Variants in ASAP1 observed in about 807,000 individuals in gnomAD.
The protein encoded by ASAP1 is arf-GAP with SH3 domain, ANK repeat and PH domain-containing protein 1.
ASAP1 carries 43 observed loss-of-function variants against 145.2 expected under a neutral mutation model. That is an observed-to-expected ratio of 0.30 (90% CI 0.23 to 0.38). ASAP1 has a LOEUF of 0.38. Ranked by LOEUF, ASAP1 falls within the 10% of genes least tolerant of loss-of-function variation. The pLI, the probability that ASAP1 is intolerant of heterozygous loss-of-function variation, is 1.00. For synonymous variants in ASAP1, 546 were observed against 515.5 expected (o/e 1.06, Z -0.80); for missense variants, 1,018 against 1,355.3 (o/e 0.75, Z 3.91).
chr8:130,373,105 TACATATACACACACACACACACAC>T, intron 2 of ASAP1, among the ~76,000 whole-genome samples: 1 of 18,470 alleles, frequency 5.4e-5, no homozygotes, highest in African/African-American at 4.0e-4. Context: ...CACACAGAAA[TACATATACACACACACACACACAC>T]ACACACACAC....
chr8:130,232,419 A>AG (rs1295157985), intron 4 of ASAP1, among the ~76,000 whole-genome samples: 1 of 152,226 alleles, frequency 6.6e-6, no homozygotes, highest in Non-Finnish European at 1.5e-5. Flanking sequence ...TGTGTTTCAC[A>AG]GATTAATAAT....
chr8:130,390,540 A>G (rs1311470927), intron 2 of ASAP1, among the ~76,000 whole-genome samples: 1 of 152,258 alleles, frequency 6.6e-6, no homozygotes, highest in East Asian at 1.9e-4. Context: ...CCTGTTAGAT[A>G]TCTATTTCCC....
chr8:130,436,869 G>A (rs771287572), intron 1 of ASAP1, among the ~76,000 whole-genome samples: 27 of 152,082 alleles, frequency 1.8e-4, no homozygotes, highest in Non-Finnish European at 3.2e-4. Context: ...CACTCTGGGA[G>A]GCTGAGGCAG....
intron 12 of ASAP1, 99 bp from the exon 13 acceptor site, chr8:130,152,904 C>T (rs1158616144): frequency 1.1e-6 from 1 of 941,420 alleles, no homozygotes. Context: ...AAAATAACTT[C>T]CCCAAACCAA....
intron 1 of ASAP1, 56 bp from the exon 2 acceptor site, chr8:130,402,026 A>C: frequency 8.3e-7 from 1 of 1,204,106 alleles, no homozygotes; most frequent in Non-Finnish European, 1.2e-6. Context: ...AACTGGGCAG[A>C]AGACATTGTC....
At chr8:130,128,118 AG>A in intron 15 of ASAP1, 28 bp from the exon 16 acceptor site, 1 of 1,356,592 alleles carries the variant, frequency 7.4e-7, no homozygotes, top group African/African-American at 1.5e-5. Flanking sequence ...AGAGGAAAAA[AG>A]TCTTTATAAG....
Position 130,091,468 on chromosome 8 carries a change from T to C in ASAP1, c.2572+505A>G, listed in dbSNP as rs544116918. Among the ~76,000 whole-genome samples, 12 of 152,118 alleles carry C rather than the reference T, an allele frequency of 7.9e-5. 1 individual carries two copies. The South Asian group carries it at 2.1e-3, about 26-fold the overall frequency. On this transcript the variant is annotated intron_variant, in intron 25 of 29. Coordinates refer to ENST00000518721, the MANE Select transcript of ASAP1 (RefSeq NM_018482.4). The stretch of plus-strand genomic sequence containing the variant: ...AGTGAAAGAAGGCCAGCCCTGAAGA[T>C]AGAGTGGCAGGAGAGGGTCTAGGAG...
intron 3 of ASAP1, among the ~76,000 whole-genome samples, chr8:130,255,918 AT>A (rs1819485275): frequency 6.6e-6 from 1 of 152,170 alleles, no homozygotes; most frequent in South Asian, 2.1e-4. Flanking sequence ...CCAATGGCTA[AT>A]ATGGACCCCT....
intron 18 of ASAP1, among the ~76,000 whole-genome samples, chr8:130,120,758 T>C (rs2097564514): frequency 1.3e-5 from 2 of 152,194 alleles, no homozygotes; most frequent in Admixed American, 6.5e-5. Flanking sequence ...AGGTCTCTAA[T>C]TCTGTGGCCA....
At chr8:130,257,788 C>CG (rs35055966) in intron 3 of ASAP1, among the ~76,000 whole-genome samples, 4,197 of 73,044 alleles carry the variant, frequency 0.057, 112 homozygotes, top group Middle Eastern at 0.2. Context: ...TCAAGAGCAC[C>CG]CCCCCCCCAT....
chr8:130,071,208 T>C (rs1231367170), intron 27 of ASAP1, among the ~76,000 whole-genome samples: 3 of 152,174 alleles, frequency 2.0e-5, no homozygotes, highest in African/African-American at 7.2e-5. Context: ...AACTCCTGAC[T>C]TCAATCCATC....
rs556937690 is a variant in ASAP1, at chr8:130,348,653, A to C, written c.186+9364T>G. Among the ~76,000 whole-genome samples the C allele has an allele frequency of 2.6e-5, 4 of 152,238 alleles. No individual in the cohort carries two copies. In the South Asian group the frequency reaches 8.3e-4, roughly 32 times the overall value. ...ATTAAAACTCGTTTTACTGACACTG[A>C]AAACAAGCTATGAAGCACACAGAAA... On this transcript the variant is annotated intron_variant, in intron 3 of 29. Coordinates refer to ENST00000518721, the MANE Select transcript of ASAP1 (RefSeq NM_018482.4).
chr8:130,115,592 AGTT>A (rs1222766887), intron 23 of ASAP1, 33 bp downstream of exon 23: 5 of 1,480,590 alleles, frequency 3.4e-6, no homozygotes, highest in Non-Finnish European at 4.7e-6. Flanking sequence ...AAGTTGGGGT[AGTT>A]GTTGAGAATT....
At chr8:130,132,622 T>G (rs547028409) in intron 15 of ASAP1, among the ~76,000 whole-genome samples, 10 of 152,288 alleles carry the variant, frequency 6.6e-5, no homozygotes, top group African/African-American at 2.4e-4. Flanking sequence ...TCCTTACACT[T>G]AGCACCTGCA....
At chr8:130,138,836 CAAAAAAA>C (rs754901058) in intron 13 of ASAP1, among the ~76,000 whole-genome samples, 3 of 81,430 alleles carry the variant, frequency 3.7e-5, no homozygotes, top group African/African-American at 1.4e-4. Flanking sequence ...AACTCCGTCT[CAAAAAAA>C]AAAAAAAAAA....
intron 4 of ASAP1, among the ~76,000 whole-genome samples, chr8:130,227,684 G>GTA (rs1261395050): frequency 6.7e-6 from 1 of 150,056 alleles, no homozygotes; most frequent in Non-Finnish European, 1.5e-5. Context: ...ATATAACACA[G>GTA]TATATAGTAT....
intron 2 of ASAP1, among the ~76,000 whole-genome samples, chr8:130,364,765 C>T (rs1273411430): frequency 1.3e-5 from 2 of 152,098 alleles, no homozygotes; most frequent in Non-Finnish European, 2.9e-5. Context: ...GATATTGGCA[C>T]CATTCAGAGG....
At position 130,270,151 on chromosome 8, in the gene ASAP1, C is replaced by CA. The variant is rs570527931; in HGVS notation, c.187-33158dup. ...TGCCACTGCACTCCAGCCTGCGTGA[C>CA]AGAGCGAGAATCTTGTCTCAAAAAA... is the stretch of plus-strand genomic sequence containing the variant. On this transcript the variant is annotated intron_variant, in intron 3 of 29. Coordinates refer to ENST00000518721, the MANE Select transcript of ASAP1 (RefSeq NM_018482.4). 6.4e-3 allele frequency among the ~76,000 whole-genome samples: 981 copies of CA among 152,330 alleles called. 9 individuals are homozygous for CA. Among genetic ancestry groups the CA allele is most frequent in the African/African-American group, 0.023 (949 of 41,564 alleles).
At chr8:130,098,521 T>G (rs1022802287) in intron 24 of ASAP1, among the ~76,000 whole-genome samples, 1 of 152,062 alleles carries the variant, frequency 6.6e-6, no homozygotes, top group African/African-American at 2.4e-5. Flanking sequence ...TTTTTGTATT[T>G]TTTTAGTAGA....
Sources: gnomAD v4.1 joint callset for allele counts (sites outside exome capture counted in the v4.1 genomes callset) on GRCh38, gnomAD v4.1.1 for gene constraint, MANE v1.5 for transcripts, NCBI Gene and HGNC (gene_info 2026-07-23, HGNC 2026-07-21) for gene names.